Variants in ESR2 observed in about 807,000 individuals in gnomAD.
ESR2 encodes estrogen receptor beta.
In ESR2, 36 loss-of-function variants were observed where a neutral mutation model predicts 49.6. That is an observed-to-expected ratio of 0.73 (90% CI 0.56 to 0.96). The LOEUF (loss-of-function observed/expected upper bound fraction) is 0.96, where lower values mean the gene tolerates loss of function less well. Ranked by LOEUF, ESR2 falls within the 40% of genes least tolerant of loss-of-function variation. The pLI is 0.00. For missense variants in ESR2, 714 were observed against 693.0 expected, an observed-to-expected ratio of 1.03 and a Z score of -0.34; for synonymous variants, 320 against 266.1, an observed-to-expected ratio of 1.20 and a Z score of -1.97.
intron 1 of ESR2, among the ~76,000 whole-genome samples, chr14:64,328,291 C>T (rs1388818890): frequency 6.6e-6 from 1 of 152,066 alleles, no homozygotes; most frequent in Non-Finnish European, 1.5e-5. Context: ...TGGTGTTGCA[C>T]ACCTGTAGTC....
intron 4 of ESR2, among the ~76,000 whole-genome samples, chr14:64,267,389 G>T (rs1322273947): frequency 6.6e-6 from 1 of 152,126 alleles, no homozygotes; most frequent in African/African-American, 2.4e-5. Flanking sequence ...TACACGCTGT[G>T]AGGCTATGGG....
chr14:64,335,404 A>T (rs572909382), intron 1 of ESR2, among the ~76,000 whole-genome samples: 1 of 152,352 alleles, frequency 6.6e-6, no homozygotes, highest in South Asian at 2.1e-4. Flanking sequence ...ATGGCTGTGG[A>T]ACCTGGAAAG....
At chr14:64,305,740 C>T (rs374491023) in intron 1 of ESR2, among the ~76,000 whole-genome samples, 14 of 152,124 alleles carry the variant, frequency 9.2e-5, no homozygotes, top group African/African-American at 3.4e-4. Context: ...CATAATTCTA[C>T]CATTTAATGT....
intron 6 of ESR2, among the ~76,000 whole-genome samples, chr14:64,256,653 C>T (rs1229747601): frequency 2.0e-5 from 3 of 151,914 alleles, no homozygotes; most frequent in African/African-American, 7.3e-5. Flanking sequence ...CACTTGAATC[C>T]GGTAGGCGGA....
At chr14:64,282,596 T>C in intron 2 of ESR2, 28 bp downstream of exon 2, 2 of 1,559,838 alleles carry the variant, frequency 1.3e-6, no homozygotes, top group Non-Finnish European at 1.7e-6. Flanking sequence ...GGCTAGCAAC[T>C]ATAATTCAGA....
At chr14:64,277,649 A>G (rs2076582467) in intron 3 of ESR2, among the ~76,000 whole-genome samples, 2 of 148,804 alleles carry the variant, frequency 1.3e-5, no homozygotes, top group Non-Finnish European at 3.0e-5. Context: ...AAAAAAAAAA[A>G]GTTACATGCA....
intron 1 of ESR2, among the ~76,000 whole-genome samples, chr14:64,285,007 G>A (rs991991547): frequency 8.6e-5 from 13 of 151,928 alleles, no homozygotes; most frequent in African/African-American, 2.7e-4. Flanking sequence ...CCGCCACCAC[G>A]CCCAGCTAAC....
intron 8 of ESR2, 26 bp from the exon 9 acceptor site, chr14:64,233,349 T>C: frequency 6.3e-7 from 1 of 1,596,518 alleles, no homozygotes; most frequent in Admixed American, 1.7e-5. Context: ...GGTGCTGAGA[T>C]TCCCTCCTCC....
intron 5 of ESR2, 200 bp from the exon 6 acceptor site, chr14:64,257,564 C>A (rs2076130102): frequency 1.4e-5 from 9 of 643,792 alleles, no homozygotes; most frequent in Non-Finnish European, 2.4e-5. Context: ...CAGTCTTGGA[C>A]CCCTTCTAGA....
intron 6 of ESR2, 143 bp downstream of exon 6, chr14:64,257,083 G>T: frequency 1.3e-6 from 1 of 749,660 alleles, no homozygotes. Flanking sequence ...TCTGGTTCTT[G>T]ACCCAGTGAA....
Position 64,257,303 on chromosome 14 carries a change from C to T in ESR2, c.1014G>A (p.Val338=). ...VRLLESCWME[V]LMMGLMWRSI... is the part of the protein sequence containing the mutation. The stretch of plus-strand genomic sequence containing the variant: ...AGCGCCACATCAGCCCCATCATTAA[C>T]ACCTCCATCCAACAGCTCTCCAAGA... Residue 338 remains valine, a synonymous_variant, in exon 6 of 9, where the codon GTG becomes GTA. Coordinates refer to ENST00000341099, the MANE Select transcript of ESR2 (RefSeq NM_001437.3). 1 of 1,614,058 alleles carries T rather than the reference C, an allele frequency of 6.2e-7. No homozygotes were observed. The highest frequency in any genetic ancestry group is 8.5e-7 in the Non-Finnish European group (1 of 1,180,028).
intron 7 of ESR2, among the ~76,000 whole-genome samples, chr14:64,247,169 C>G (rs1009849849): frequency 6.6e-6 from 1 of 152,140 alleles, no homozygotes; most frequent in Non-Finnish European, 1.5e-5. Flanking sequence ...TTTTAGCAAT[C>G]GACAGAGTAA....
rs571309731 is a variant in ESR2, at chr14:64,258,284, G to A, written c.953-920C>T. On this transcript the variant is annotated intron_variant, in intron 5 of 8. Transcript: ENST00000341099. The stretch of plus-strand genomic sequence containing the variant: ...AGGTCCTGACAACCTAATAACCCAT[G>A]TTGGTCACAGTACTGTTTGCAAACA... Among the ~76,000 whole-genome samples the A allele has an allele frequency of 7.9e-4, 121 of 152,318 alleles. 2 individuals are homozygous for A. The highest frequency in any genetic ancestry group is 2.8e-3 in the African/African-American group (116 of 41,580).
intron 7 of ESR2, among the ~76,000 whole-genome samples, chr14:64,236,639 G>A (rs1354102982): frequency 3.3e-5 from 5 of 152,078 alleles, no homozygotes; most frequent in African/African-American, 9.6e-5. Flanking sequence ...GTGGTGCTCC[G>A]AACATGCTCA....
chr14:64,328,064 A>AC (rs1201790710), intron 1 of ESR2, among the ~76,000 whole-genome samples: 1 of 150,316 alleles, frequency 6.7e-6, no homozygotes, highest in African/African-American at 2.4e-5. Flanking sequence ...AAAAAAAAAA[A>AC]AAAAAAAATT....
intron 2 of ESR2, among the ~76,000 whole-genome samples, chr14:64,282,206 G>A (rs1171544053): frequency 6.6e-6 from 1 of 152,138 alleles, no homozygotes; most frequent in Non-Finnish European, 1.5e-5. Flanking sequence ...TGAGCTGGGC[G>A]TGGTGGCACG....
intron 1 of ESR2, among the ~76,000 whole-genome samples, chr14:64,289,060 G>A (rs1488636810): frequency 2.0e-5 from 3 of 150,740 alleles, no homozygotes; most frequent in African/African-American, 7.3e-5. Context: ...GGATAGAGCA[G>A]AACATTCATT....
chr14:64,251,613 G>T (rs554138131), intron 6 of ESR2, among the ~76,000 whole-genome samples: 5 of 152,148 alleles, frequency 3.3e-5, no homozygotes, highest in Non-Finnish European at 5.9e-5. Context: ...GCATACTGAG[G>T]TATTTTAAAC....
At chr14:64,262,695 G>T (rs535355521) in intron 4 of ESR2, among the ~76,000 whole-genome samples, 104 of 152,248 alleles carry the variant, frequency 6.8e-4, no homozygotes, top group Admixed American at 6.8e-3. Context: ...CGGATCACTT[G>T]AGGCCAGGAG....
Sources: allele counts gnomAD v4.1 joint callset (sites outside exome capture counted in the v4.1 genomes callset), GRCh38; gene constraint gnomAD v4.1.1; transcripts MANE v1.5; gene names NCBI Gene and HGNC (gene_info 2026-07-23, HGNC 2026-07-21).